Variants in MAPKBP1 observed in about 807,000 individuals in gnomAD.
MAPKBP1 encodes mitogen-activated protein kinase binding protein 1.
A neutral mutation model predicts 170.5 loss-of-function variants in MAPKBP1; 71 were observed. The ratio of observed to expected loss-of-function variants is 0.42; its 90% confidence interval spans 0.34 to 0.51. The LOEUF (loss-of-function observed/expected upper bound fraction) is 0.51. Among genes scored for constraint, MAPKBP1 ranks in the 20% least tolerant of loss-of-function variants. The pLI, the probability that MAPKBP1 is intolerant of heterozygous loss-of-function variation, is 0.06. For missense variants in MAPKBP1, 1,598 were observed against 1,933.0 expected (o/e 0.83, Z 3.25); for synonymous variants, 719 against 757.9 (o/e 0.95, Z 0.84).
intron 3 of MAPKBP1, among the ~76,000 whole-genome samples, chr15:41,804,464 G>C (rs78700348): frequency 0.046 from 7,071 of 152,332 alleles, 229 homozygotes; most frequent in East Asian, 0.12. Context: ...CCTCTGCCTG[G>C]GAAAGCCAGG....
intron 3 of MAPKBP1, among the ~76,000 whole-genome samples, chr15:41,802,804 C>T (rs1225652645): frequency 1.3e-5 from 2 of 152,182 alleles, no homozygotes. Context: ...CTTCTATAAG[C>T]TTTAAATGTT....
At chr15:41,810,772 C>A in intron 3 of MAPKBP1, 111 bp from the exon 4 acceptor site, 1 of 748,862 alleles carries the variant, frequency 1.3e-6, no homozygotes, top group Non-Finnish European at 2.3e-6. Flanking sequence ...CCCTTCTGAG[C>A]TCTTTCTACC....
At chr15:41,776,215 A>C (rs534779856) in intron 2 of MAPKBP1, among the ~76,000 whole-genome samples, 6 of 152,376 alleles carry the variant, frequency 3.9e-5, no homozygotes, top group Non-Finnish European at 7.3e-5. Context: ...TTTGTGTCTT[A>C]TTAGTAGCCT....
chr15:41,825,112 A>G, intron 30 of MAPKBP1, 97 bp from the exon 31 acceptor site: 1 of 845,988 alleles, frequency 1.2e-6, no homozygotes, highest in Non-Finnish European at 1.8e-6. Flanking sequence ...GTTCCCAGCT[A>G]GTCCCTTCTG....
intron 2 of MAPKBP1, among the ~76,000 whole-genome samples, chr15:41,797,496 A>G (rs1217533418): frequency 6.6e-6 from 1 of 152,120 alleles, no homozygotes; most frequent in Non-Finnish European, 1.5e-5. Flanking sequence ...CAGTGCCAGG[A>G]TGACTGGTGA....
chr15:41,814,775 G>A (rs751730264), intron 10 of MAPKBP1, 36 bp downstream of exon 10: 31 of 1,607,972 alleles, frequency 1.9e-5, no homozygotes, highest in Non-Finnish European at 2.6e-5. Context: ...AGACTGGCCA[G>A]GTTGGCTGGG....
intron 3 of MAPKBP1, among the ~76,000 whole-genome samples, chr15:41,809,073 C>CAAAA (rs34394712): frequency 4.2e-4 from 48 of 113,902 alleles, no homozygotes; most frequent in African/African-American, 1.6e-3. Flanking sequence ...GACCCTGCCT[C>CAAAA]AAAAAAAAAA....
intron 6 of MAPKBP1, 143 bp from the exon 7 acceptor site, chr15:41,812,373 C>T: frequency 7.9e-7 from 1 of 1,258,080 alleles, no homozygotes; most frequent in Non-Finnish European, 1.2e-6. Flanking sequence ...GGATTATTTC[C>T]CTACCCCTCT....
chr15:41,788,188 C>G (rs2064333590), intron 2 of MAPKBP1, among the ~76,000 whole-genome samples: 1 of 152,158 alleles, frequency 6.6e-6, no homozygotes, highest in South Asian at 2.1e-4. Context: ...GAACTTTTGA[C>G]CTCGTGATGC....
chr15:41,815,467 C>T (rs774095944), intron 11 of MAPKBP1, 62 bp downstream of exon 11: 81 of 1,594,102 alleles, frequency 5.1e-5, no homozygotes, highest in East Asian at 2.0e-4. Context: ...ACAGCTATTG[C>T]ACCTTGTTAC....
chr15:41,788,574 G>A (rs1303856517), intron 2 of MAPKBP1, among the ~76,000 whole-genome samples: 1 of 152,188 alleles, frequency 6.6e-6, no homozygotes, highest in African/African-American at 2.4e-5. Flanking sequence ...GCTGGTCCTC[G>A]AAGGAAAGGT....
Position 41,823,996 on chromosome 15 carries a change from C to T in MAPKBP1, c.4148C>T (p.Pro1383Leu), listed in dbSNP as rs1425460586. 2 of 1,613,298 alleles carry T rather than the reference C, an allele frequency of 1.2e-6. No individual in the cohort carries two copies. Among genetic ancestry groups the T allele is most frequent in the African/African-American group, 1.3e-5 (1 of 74,900 alleles). ...GGCCCTGAAAACTTGCAGCCCCCAC[C>T]CCCTGAGAAGACTCCCAACCCCATG... ...FQGPENLQPP[P>L]PEKTPNPMEC... is the part of the protein sequence containing the mutation. The change falls in exon 29 of 31, where the codon CCC (proline) becomes CTC (leucine). Residue 1383 changes from proline (P) to leucine (L), a missense_variant. Coordinates refer to ENST00000457542, the MANE Select transcript of MAPKBP1 (RefSeq NM_014994.3).
At chr15:41,811,585 G>A (rs1487595986) in intron 5 of MAPKBP1, 2 of 614,720 alleles carry the variant, frequency 3.3e-6, no homozygotes, top group Non-Finnish European at 6.1e-6. Flanking sequence ...TACCCCCGGG[G>A]GCCCCCTGCT....
chr15:41,823,559 G>A lies in MAPKBP1; in HGVS notation c.3711G>A (p.Arg1237=), dbSNP rs746101833. ...CCCCAGCTGATGGCCGTCCGTCTCG[G>A]CCTCACTCCTATCAGAACCCCACCA... The part of the protein sequence containing the change: ...SLPPADGRPS[R]PHSYQNPTTS... The change falls in exon 29 of 31, where the codon CGG becomes CGA. Residue 1237 remains arginine, a synonymous_variant. Transcript: ENST00000457542. The A allele has an allele frequency of 8.7e-6, 14 of 1,614,160 alleles. No individual in the cohort carries two copies. The highest frequency in any genetic ancestry group is 1.2e-5 in the Non-Finnish European group (14 of 1,180,024).
At chr15:41,824,349 C>G in intron 29 of MAPKBP1, 135 bp from the exon 30 acceptor site, 1 of 860,244 alleles carries the variant, frequency 1.2e-6, no homozygotes, top group Admixed American at 2.6e-5. Context: ...GGAAGAGAAG[C>G]CAAGAGGAAG....
chr15:41,821,540 A>T (rs186653403), intron 23 of MAPKBP1, 44 bp from the exon 24 acceptor site: 450 of 1,583,072 alleles, frequency 2.8e-4, no homozygotes, highest in Non-Finnish European at 3.6e-4. Flanking sequence ...CCACTGCCTC[A>T]TCTGTCACCT....
chr15:41,775,954 C>T (rs2064091620), intron 2 of MAPKBP1, among the ~76,000 whole-genome samples: 1 of 152,342 alleles, frequency 6.6e-6, no homozygotes, highest in African/African-American at 2.4e-5. Flanking sequence ...AGATATCTGT[C>T]AGCAAAACAG....
Position 41,813,020 on chromosome 15 carries a change from C to T in MAPKBP1, c.738C>T (p.Asp246=), listed in dbSNP as rs754821679. 7.4e-6 allele frequency: 12 copies of T among 1,613,968 alleles called. No individual in the cohort carries two copies. Among genetic ancestry groups the T allele is most frequent in the Admixed American group, 1.7e-5 (1 of 59,990 alleles). The change falls in exon 8 of 31, where the codon GAC becomes GAT. Residue 246 remains aspartate (D), a synonymous_variant. Transcript: ENST00000457542. Reference sequence around the variant, plus strand: ...CCTGTGGCAGAGGAAAAAAGGCGGACAGTACCTTCTGCATCACGTCCTCAG... The same window carrying T: ...CCTGTGGCAGAGGAAAAAAGGCGGATAGTACCTTCTGCATCACGTCCTCAG... ...DVACGRGKKA[D]STFCITSSGL...
At chr15:41,811,695 C>A in intron 5 of MAPKBP1, 5 of 663,548 alleles carry the variant, frequency 7.5e-6, no homozygotes, top group Non-Finnish European at 1.4e-5. Flanking sequence ...CCCATCAGAA[C>A]CATTCAGGGA....
Sources: allele counts gnomAD v4.1 joint callset (sites outside exome capture counted in the v4.1 genomes callset), GRCh38; gene constraint gnomAD v4.1.1; transcripts MANE v1.5; gene names NCBI Gene and HGNC (gene_info 2026-07-23, HGNC 2026-07-21).